LRRC9: variants seen among roughly 807,000 people sequenced by gnomAD.
The protein encoded by LRRC9 is leucine rich repeat containing 9.
A neutral mutation model predicts 63.2 loss-of-function variants in LRRC9; 122 were observed. The ratio of observed to expected loss-of-function variants is 1.93; its 90% CI spans 1.67 to 2.24. The LOEUF (loss-of-function observed/expected upper bound fraction) is 2.24. Among genes scored for constraint, LRRC9 ranks in the 30% most tolerant of loss-of-function variants. LRRC9 has a pLI of 0.00. For synonymous variants in LRRC9, 366 were observed against 213.1 expected (o/e 1.72, Z -6.25); for missense variants, 1,071 against 627.7 (o/e 1.71, Z -7.55).
At position 60,053,310 on chromosome 14, in the gene LRRC9, T is replaced by C. The variant is rs1445694612; in HGVS notation, c.4131+105T>C. ...ATGTTTAAACCTATGGCGTTTTTGA[T>C]AAGGATGATCTTAGTATCTATTTAG... On this transcript the variant is annotated intron_variant, in intron 30 of 31. Coordinates refer to ENST00000445360, the Ensembl canonical transcript of LRRC9. This position sits in a 1 kb window ranked among gnomAD's most constrained non-coding sequence, Gnocchi z 4.8. 1.0e-5 allele frequency: 6 copies of C among 598,608 alleles called. No homozygotes were observed. The highest frequency in any genetic ancestry group is 5.5e-5 in the Admixed American group (2 of 36,452). 37.1% of individuals were successfully genotyped at this position (598,608 alleles called of 1,614,324 possible).
intron 23 of LRRC9, among the ~76,000 whole-genome samples, chr14:60,009,446 T>C (rs550148445): frequency 6.6e-6 from 1 of 152,294 alleles, no homozygotes; most frequent in South Asian, 2.1e-4. Flanking sequence ...TTATTCACTA[T>C]CGCGAGAACA....
downstream of LRRC9, among the ~76,000 whole-genome samples, chr14:60,064,944 T>C (rs1197478506): frequency 6.6e-6 from 1 of 152,208 alleles, no homozygotes; most frequent in Non-Finnish European, 1.5e-5. Flanking sequence ...AAACATAACT[T>C]ACACTGTATT....
chr14:59,973,229 A>G (rs962270783), intron 12 of LRRC9, among the ~76,000 whole-genome samples: 1 of 152,124 alleles, frequency 6.6e-6, no homozygotes. Context: ...CCTTCAGTTA[A>G]AAAGTATATC....
At chr14:60,013,607 C>T (rs748280245) in intron 23 of LRRC9, among the ~76,000 whole-genome samples, 5 of 151,970 alleles carry the variant, frequency 3.3e-5, no homozygotes, top group African/African-American at 7.2e-5. Context: ...GGTGCATACA[C>T]GTTTAGGACT....
At chr14:59,975,125 A>ATATG (rs1181218475) in intron 13 of LRRC9, among the ~76,000 whole-genome samples, 3 of 13,462 alleles carry the variant, frequency 2.2e-4, no homozygotes, top group African/African-American at 3.9e-4. Flanking sequence ...ATATATATAT[A>ATATG]TGTATATATA....
At chr14:60,016,629 A>AGGACATC in intron 23 of LRRC9, 31 bp from the exon 24 acceptor site, 1 of 671,736 alleles carries the variant, frequency 1.5e-6, no homozygotes, top group Non-Finnish European at 2.8e-6. Context: ...TCTGTAAGAC[A>AGGACATC]GGACATCATT....
chr14:60,063,507 A>G, exon 32 of LRRC9: 1 of 606,308 alleles, frequency 1.6e-6, no homozygotes. Flanking sequence ...CCATATGAAG[A>G]TAATCTATTA....
intron 29 of LRRC9, among the ~76,000 whole-genome samples, chr14:60,039,557 G>T (rs897490753): frequency 3.3e-5 from 5 of 152,154 alleles, no homozygotes; most frequent in African/African-American, 1.2e-4. Flanking sequence ...GCATAGAGGT[G>T]TTTATAGTAT....
rs1889326369 is a variant in LRRC9 at position 59,927,706 on chromosome 14, T to C, written c.-33-205T>C. 6.6e-6 allele frequency among the ~76,000 whole-genome samples: 1 copy of C among 151,834 alleles called. No homozygotes were observed. The highest frequency in any genetic ancestry group is 1.5e-5 in the Non-Finnish European group (1 of 67,846). On this transcript the variant is annotated intron_variant, in intron 1 of 31. Coordinates refer to ENST00000445360, the Ensembl canonical transcript of LRRC9. This position sits in a 1 kb window ranked among gnomAD's most constrained non-coding sequence, Gnocchi z 4.4. ...ATACTGACAACAAAAGGGAAGGAAT[T>C]ATGGAGAGAGAGATTTAAAATTAAA...
chr14:59,966,054 G>C lies in LRRC9; in HGVS notation c.1212-535G>C, dbSNP rs1365181181. Among the ~76,000 whole-genome samples, 1 of 151,958 alleles carries C rather than the reference G, an allele frequency of 6.6e-6. No individual in the cohort carries two copies. Among genetic ancestry groups the C allele is most frequent in the African/African-American group, 2.4e-5 (1 of 41,358 alleles). On this transcript the variant is annotated intron_variant, in intron 10 of 31. Coordinates refer to ENST00000445360, the Ensembl canonical transcript of LRRC9. The surrounding 1 kb of genome is among the most constrained non-coding windows in gnomAD (Gnocchi z 4.0). ...TTGGGGTGCAGTGTTAGTTATGTTA[G>C]GTTGGAGTCACCTGTTTAACATGCA...
intron 29 of LRRC9, among the ~76,000 whole-genome samples, chr14:60,035,103 ATT>A (rs57896646): frequency 0.022 from 3,231 of 145,492 alleles, 51 homozygotes; most frequent in Middle Eastern, 0.052. Context: ...GACTTTGAGC[ATT>A]TTTTTTTTTT....
At chr14:60,063,723 T>A, downstream of LRRC9, among the ~76,000 whole-genome samples, 1 of 152,206 alleles carries the variant, frequency 6.6e-6, no homozygotes, top group East Asian at 1.9e-4. Context: ...AATGTCATTA[T>A]GAAAAGTCAT....
At chr14:59,976,440 T>G (rs560165228) in intron 13 of LRRC9, among the ~76,000 whole-genome samples, 1 of 152,286 alleles carries the variant, frequency 6.6e-6, no homozygotes, top group South Asian at 2.1e-4. Context: ...GGTTCCAGAT[T>G]GCTAAGGTGA....
rs1049764482 is a variant in LRRC9 at position 59,991,874 on chromosome 14, C to T, written c.2212-5782C>T. On this transcript the variant is annotated intron_variant, in intron 17 of 31. Transcript: ENST00000445360. Reference sequence around the variant, plus strand: ...GGAGGCCTGCCTGCCTCTGTAGACTCCACCTCTGGGGGCAGGGCATTGCCA... The same window carrying T: ...GGAGGCCTGCCTGCCTCTGTAGACTTCACCTCTGGGGGCAGGGCATTGCCA... Among the ~76,000 whole-genome samples, 10 of 152,224 alleles carry T rather than the reference C, an allele frequency of 6.6e-5. No individual in the cohort carries two copies. The South Asian group carries it at 1.0e-3, about 16-fold the overall frequency.
intron 16 of LRRC9, among the ~76,000 whole-genome samples, chr14:59,982,901 A>G (rs1887080999): frequency 6.6e-6 from 1 of 152,220 alleles, no homozygotes; most frequent in South Asian, 2.1e-4. Context: ...ATAAAGGCAG[A>G]TAAGTTTTAA....
chr14:60,026,450 G>A (rs563119025), intron 27 of LRRC9, among the ~76,000 whole-genome samples: 4 of 151,982 alleles, frequency 2.6e-5, no homozygotes, highest in African/African-American at 9.6e-5. Context: ...AGTTGTTTGG[G>A]CTCCTTATAT....
At position 59,938,530 on chromosome 14, in the gene LRRC9, C is replaced by T; in HGVS notation, c.684C>T (p.Asp228=). The T allele has an allele frequency of 1.4e-6, 1 of 697,276 alleles. No individual in the cohort carries two copies. Among genetic ancestry groups the T allele is most frequent in the Middle Eastern group, 2.3e-4 (1 of 4,326 alleles). 43.2% of individuals were successfully genotyped at this position (697,276 alleles called of 1,614,324 possible). A position where few individuals can be genotyped will look rare whatever the true frequency, so the allele number is the denominator to read the frequency against. The change falls in exon 7 of 32, where the codon GAC becomes GAT. Residue 228 remains aspartate, a synonymous_variant. Transcript: ENST00000445360. This position sits in a 1 kb window ranked among gnomAD's most constrained non-coding sequence, Gnocchi z 4.2. ...ATTTGCCTTGCCTTCAAAGATTTGACACATTGGATGTGTCAGCAAAGCAAA... is the reference window on the plus strand; with the variant it reads ...ATTTGCCTTGCCTTCAAAGATTTGATACATTGGATGTGTCAGCAAAGCAAA...
exon 4 of LRRC9, chr14:59,931,015 T>C (rs1001860252): frequency 3.4e-5 from 15 of 437,696 alleles, no homozygotes; most frequent in Non-Finnish European, 5.4e-5. Context: ...TTAATCAAAT[T>C]GAAGGTTCTT....
intron 12 of LRRC9, among the ~76,000 whole-genome samples, chr14:59,968,201 T>C (rs904359557): frequency 4.6e-5 from 7 of 152,174 alleles, no homozygotes. Context: ...TATGATTCCA[T>C]GTATGTGAAG....
Sources: gnomAD v4.1 joint callset for allele counts (sites outside exome capture counted in the v4.1 genomes callset) on GRCh38, gnomAD v4.1.1 for gene constraint, Gnocchi (gnomAD v3.1) non-coding constraint, MANE v1.5 for transcripts, NCBI Gene and HGNC (gene_info 2026-07-23, HGNC 2026-07-21) for gene names.